The following TNS3 variants were observed in gnomAD, a reference collection of about 807,000 sequenced individuals.
The protein encoded by TNS3 is tensin 3.
In TNS3, 45 loss-of-function variants were observed where a neutral mutation model predicts 140.9. The observed-to-expected ratio is 0.32, with a 90% CI of 0.25 to 0.41. TNS3 has a LOEUF of 0.41. Among genes scored for constraint, TNS3 ranks in the 10% least tolerant of loss-of-function variants. The pLI is 1.00. For synonymous variants in TNS3, 815 were observed against 788.4 expected (o/e 1.03, Z -0.56); for missense variants, 1,716 against 1,906.7 (o/e 0.90, Z 1.86).
chr7:47,530,838 A>AAAAATATATATATATATATATATATAT, intron 1 of TNS3, among the ~76,000 whole-genome samples: 1 of 54,564 alleles, frequency 1.8e-5, no homozygotes, highest in Non-Finnish European at 3.3e-5. Flanking sequence ...AAAAAAAAAA[A>AAAAATATATATATATATATATATATAT]ATATATATAT....
chr7:47,406,566 G>A (rs1161962312), intron 13 of TNS3, among the ~76,000 whole-genome samples: 6 of 152,156 alleles, frequency 3.9e-5, no homozygotes, highest in African/African-American at 1.4e-4. Flanking sequence ...TGAAGGAGGA[G>A]GATTAAGGAT....
At chr7:47,388,078 T>C (rs1183919578) in intron 16 of TNS3, among the ~76,000 whole-genome samples, 1 of 152,168 alleles carries the variant, frequency 6.6e-6, no homozygotes, top group Non-Finnish European at 1.5e-5. Flanking sequence ...CTCAGCAGGT[T>C]TGATCGCCTG....
chr7:47,290,220 C>T (rs1166710190), intron 27 of TNS3, among the ~76,000 whole-genome samples: 1 of 152,182 alleles, frequency 6.6e-6, no homozygotes, highest in Admixed American at 6.5e-5. Flanking sequence ...GACCTTACTT[C>T]CTTCACAAAA....
At chr7:47,581,395 C>A (rs1365153702) in intron 1 of TNS3, 4 of 151,482 alleles carry the variant, frequency 2.6e-5, no homozygotes, top group African/African-American at 7.3e-5. Context: ...AGACCCCCTG[C>A]CTCCCACCCA....
chr7:47,459,782 T>C (rs1796404873), intron 4 of TNS3, among the ~76,000 whole-genome samples: 1 of 152,156 alleles, frequency 6.6e-6, no homozygotes, highest in South Asian at 2.1e-4. Flanking sequence ...CCACCATATC[T>C]GGCAAAGGTA....
intron 16 of TNS3, among the ~76,000 whole-genome samples, chr7:47,381,320 T>C (rs1791745518): frequency 6.6e-6 from 1 of 152,220 alleles, no homozygotes; most frequent in Non-Finnish European, 1.5e-5. Context: ...AGCGTGAATG[T>C]TCACTGCACA....
At chr7:47,437,801 TATAAA>T (rs67953251) in intron 6 of TNS3, among the ~76,000 whole-genome samples, 41,282 of 144,356 alleles carry the variant, frequency 0.29, 6,421 homozygotes, top group Non-Finnish European at 0.35. Flanking sequence ...AAATATATAA[TATAAA>T]ATATATATAC....
chr7:47,573,043 G>A (rs527741327), intron 1 of TNS3, among the ~76,000 whole-genome samples: 1 of 152,294 alleles, frequency 6.6e-6, no homozygotes, highest in South Asian at 2.1e-4. Flanking sequence ...GTCACGTGTG[G>A]CCCAGGCTTG....
At position 47,451,688 on chromosome 7, in the gene TNS3, T is replaced by C. The variant is rs73695337; in HGVS notation, c.-75-9633A>G. ...GACACAGATCACAGCTGCCGGGCCA[T>C]GTGTGAGGTGAGGACAATTAAACAG... On this transcript the variant is annotated intron_variant, in intron 4 of 30. Coordinates refer to ENST00000311160, the MANE Select transcript of TNS3 (RefSeq NM_022748.12). 4.0e-3 allele frequency among the ~76,000 whole-genome samples: 614 copies of C among 152,338 alleles called. 2 individuals are homozygous for C. Among genetic ancestry groups the C allele is most frequent in the African/African-American group, 0.014 (581 of 41,578 alleles).
chr7:47,408,128 C>T (rs896431831), intron 13 of TNS3, among the ~76,000 whole-genome samples: 13 of 152,058 alleles, frequency 8.5e-5, no homozygotes, highest in Admixed American at 8.5e-4. Flanking sequence ...GGCTGGAGAA[C>T]GCCAGCCCAG....
At chr7:47,548,900 C>T (rs938791795) in intron 1 of TNS3, among the ~76,000 whole-genome samples, 6 of 152,202 alleles carry the variant, frequency 3.9e-5, no homozygotes, top group Non-Finnish European at 8.8e-5. Flanking sequence ...CCCTGCTGCT[C>T]GGTCTGCACA....
At chr7:47,473,556 G>T (rs1014164506) in intron 4 of TNS3, among the ~76,000 whole-genome samples, 3 of 152,162 alleles carry the variant, frequency 2.0e-5, no homozygotes. Context: ...CTGTGTTTCT[G>T]AAGTTTACTG....
chr7:47,475,508 C>T (rs1797157390), intron 4 of TNS3, among the ~76,000 whole-genome samples: 1 of 144,154 alleles, frequency 6.9e-6, no homozygotes, highest in African/African-American at 2.5e-5. Context: ...GACAGTGGCC[C>T]CTCTGTAAAC....
intron 13 of TNS3, among the ~76,000 whole-genome samples, chr7:47,408,424 C>T (rs1019590363): frequency 2.0e-4 from 30 of 151,934 alleles, no homozygotes; most frequent in Admixed American, 1.8e-3. Context: ...CAGGGTGGGA[C>T]AGGATAAGAC....
chr7:47,530,838 A>AAAAAAAAAAAAATAT, intron 1 of TNS3, among the ~76,000 whole-genome samples: 3 of 54,560 alleles, frequency 5.5e-5, no homozygotes, highest in African/African-American at 2.4e-4. Flanking sequence ...AAAAAAAAAA[A>AAAAAAAAAAAAATAT]ATATATATAT....
At chr7:47,317,441 G>A (rs1451461466) in intron 20 of TNS3, among the ~76,000 whole-genome samples, 1 of 152,208 alleles carries the variant, frequency 6.6e-6, no homozygotes, top group Non-Finnish European at 1.5e-5. Flanking sequence ...TCAAGGTTTT[G>A]ATCAGACTGG....
chr7:47,298,406 C>T (rs1786177672), intron 23 of TNS3, among the ~76,000 whole-genome samples: 2 of 152,214 alleles, frequency 1.3e-5, no homozygotes, highest in Non-Finnish European at 2.9e-5. Flanking sequence ...CAAAATCTGG[C>T]ATTTCCAAGA....
At chr7:47,564,222 A>ATC (rs1395212291) in intron 1 of TNS3, among the ~76,000 whole-genome samples, 2 of 151,574 alleles carry the variant, frequency 1.3e-5, no homozygotes, top group African/African-American at 4.8e-5. Context: ...AACCATTTAA[A>ATC]TCAGTGGACT....
At chr7:47,442,099 G>C in intron 4 of TNS3, 44 bp from the exon 5 acceptor site, 1 of 1,215,190 alleles carries the variant, frequency 8.2e-7, no homozygotes, top group Non-Finnish European at 1.1e-6. Flanking sequence ...TTCCTTTCCT[G>C]CCAGTCTACA....
Sources: gnomAD v4.1 joint callset for allele counts (sites outside exome capture counted in the v4.1 genomes callset) on GRCh38, gnomAD v4.1.1 for gene constraint, MANE v1.5 for transcripts, NCBI Gene and HGNC (gene_info 2026-07-23, HGNC 2026-07-21) for gene names.